ZNF462: variants seen among roughly 807,000 people sequenced by gnomAD.
ZNF462 encodes zinc finger PBX1-interacting protein.
ZNF462 carries 10 observed loss-of-function variants against 201.9 expected under a neutral mutation model. The observed-to-expected ratio is 0.05, with a 90% CI of 0.03 to 0.08. The LOEUF is 0.08. ZNF462 is among the 10% of genes least tolerant of loss of function. The probability of loss-of-function intolerance (pLI) is 1.00; values close to 1 mark genes in which losing one functional copy is unlikely to be tolerated. For missense variants in ZNF462, 2,523 were observed against 3,168.3 expected (o/e 0.80, Z 4.89); for synonymous variants, 1,227 against 1,193.3 (o/e 1.03, Z -0.58).
intron 1 of ZNF462, among the ~76,000 whole-genome samples, chr9:106,864,385 G>A (rs1212786495): frequency 1.3e-5 from 2 of 152,000 alleles, no homozygotes; most frequent in Non-Finnish European, 2.9e-5. Flanking sequence ...GCCTGGGGGG[G>A]CGTCTCACTC....
Position 106,905,197 on chromosome 9 carries a change from C to A in ZNF462, c.-30-18157C>A, listed in dbSNP as rs1432989468. Among the ~76,000 whole-genome samples, 1 of 152,164 alleles carries A rather than the reference C, an allele frequency of 6.6e-6. No individual in the cohort carries two copies. The highest frequency in any genetic ancestry group is 1.5e-5 in the Non-Finnish European group (1 of 68,042). ...AACTTCAGTGATTGTTATCTCTCTT[C>A]TGGGTCTAGCTACCCAGCGAGTCCA... On this transcript the variant is annotated intron_variant, in intron 1 of 12. Transcript: ENST00000277225. This position sits in a 1 kb window ranked among gnomAD's most constrained non-coding sequence, Gnocchi z 5.9.
chr9:106,974,053 T>C lies in ZNF462; in HGVS notation c.6696-84T>C, dbSNP rs1826803914. 5 of 1,568,408 alleles carry C rather than the reference T, an allele frequency of 3.2e-6. No homozygotes were observed. The highest frequency in any genetic ancestry group is 4.4e-6 in the Non-Finnish European group (5 of 1,146,794). ...AGCAGGAGAGCCGCACTTGGACATA[T>C]ATAACGGGTTTGCCAGCAGGAAATG... On this transcript the variant is annotated intron_variant, in intron 8 of 12. Coordinates refer to ENST00000277225, the MANE Select transcript of ZNF462 (RefSeq NM_021224.6). This position sits in a 1 kb window ranked among gnomAD's most constrained non-coding sequence, Gnocchi z 4.0.
chr9:106,904,249 G>T (rs952176793), intron 1 of ZNF462, among the ~76,000 whole-genome samples: 8 of 152,254 alleles, frequency 5.3e-5, no homozygotes, highest in Admixed American at 5.2e-4. Context: ...GGAGAGTGAA[G>T]ATAGGTCCCC....
rs1466605323 is a variant in ZNF462 at position 107,003,424 on chromosome 9, G to A, written c.7187G>A (p.Arg2396Lys). 9 of 1,613,346 alleles carry A rather than the reference G, an allele frequency of 5.6e-6. No individual in the cohort carries two copies. The highest frequency in any genetic ancestry group is 1.7e-5 in the Admixed American group (1 of 59,932). ...EEEMNSKAED[R>K]ELMRFSDHGA... Reference sequence around the variant, plus strand: ...GAAATGAACAGCAAGGCTGAAGACAGAGGTTAGTCTCATCCTGCCCTCCCA... The same window carrying A: ...GAAATGAACAGCAAGGCTGAAGACAAAGGTTAGTCTCATCCTGCCCTCCCA... Residue 2396 changes from arginine (R) to lysine (K), a missense_variant and splice_region_variant, in exon 11 of 13, where the codon AGA becomes AAA. Physicochemically the swap from Arg to Lys is conservative, Grantham distance 26 (BLOSUM62 2). Around this residue, in one of 15 missense-constraint regions of ZNF462, gnomAD observed 228 missense variants for 361.2 expected, o/e 0.63. Coordinates refer to ENST00000277225, the MANE Select transcript of ZNF462 (RefSeq NM_021224.6). The surrounding 1 kb of genome is among the most constrained non-coding windows in gnomAD (Gnocchi z 4.4).
In ZNF462 at chr9:106,927,463, A is replaced by T. The variant is rs1441293217; in HGVS notation, c.3551A>T (p.Asp1184Val). Residue 1184 changes from aspartate (D) to valine (V), a missense_variant, in exon 3 of 13, where the codon GAT (aspartate) becomes GTT (valine). By Grantham distance (152) the Asp-to-Val change is radical. This residue lies in a region of ZNF462 where 222 missense variants were observed against 271.6 expected (regional missense o/e 0.82). Coordinates refer to ENST00000277225, the MANE Select transcript of ZNF462 (RefSeq NM_021224.6). ...QQLNRSSSER[D>V]GPPVENEMFF... Reference sequence around the variant, plus strand: ...CTGAACCGAAGCAGCTCTGAGAGAGATGGCCCTCCTGTGGAGAATGAGATG... The same window carrying T: ...CTGAACCGAAGCAGCTCTGAGAGAGTTGGCCCTCCTGTGGAGAATGAGATG... 6.2e-7 allele frequency: 1 copy of T among 1,613,522 alleles called. No individual in the cohort carries two copies. The highest frequency in any genetic ancestry group is 8.5e-7 in the Non-Finnish European group (1 of 1,179,900).
At chr9:106,995,911 A>C (rs532390982) in intron 10 of ZNF462, among the ~76,000 whole-genome samples, 111 of 152,258 alleles carry the variant, frequency 7.3e-4, no homozygotes, top group Middle Eastern at 3.4e-3. Context: ...GGTGTGCTGC[A>C]CCCATTAACT....
Position 106,890,122 on chromosome 9 carries a change from A to G in ZNF462, c.-31+26767A>G, listed in dbSNP as rs929801723. ...CACAGGATTCTTAGACTAGGCATAC[A>G]TCATTGTATATATTCTGCCTAAAAG... On this transcript the variant is annotated intron_variant, in intron 1 of 12. Coordinates refer to ENST00000277225, the MANE Select transcript of ZNF462 (RefSeq NM_021224.6). This position sits in a 1 kb window ranked among gnomAD's most constrained non-coding sequence, Gnocchi z 4.2. 3.3e-5 allele frequency among the ~76,000 whole-genome samples: 5 copies of G among 152,358 alleles called. No individual in the cohort carries two copies. Among genetic ancestry groups the G allele is most frequent in the Middle Eastern group, 3.4e-3 (1 of 294 alleles).
At chr9:106,996,282 G>A (rs1266982996) in intron 10 of ZNF462, among the ~76,000 whole-genome samples, 4 of 152,152 alleles carry the variant, frequency 2.6e-5, no homozygotes, top group African/African-American at 7.2e-5. Context: ...ACATACGTGT[G>A]CATGTGTCTT....
In ZNF462 at chr9:106,872,693, G is replaced by C. The variant is rs1365854936; in HGVS notation, c.-31+9338G>C. Among the ~76,000 whole-genome samples the C allele has an allele frequency of 6.6e-6, 1 of 152,110 alleles. No individual in the cohort carries two copies. The highest frequency in any genetic ancestry group is 1.5e-5 in the Non-Finnish European group (1 of 68,020). ...AAAGACCATTTTAATTTAAATATCG[G>C]AGTTCAGTTGCAAGAACTTCCCCCC... On this transcript the variant is annotated intron_variant, in intron 1 of 12. Coordinates refer to ENST00000277225, the MANE Select transcript of ZNF462 (RefSeq NM_021224.6). This position sits in a 1 kb window ranked among gnomAD's most constrained non-coding sequence, Gnocchi z 4.5.
chr9:106,963,418 G>A lies in ZNF462; in HGVS notation c.6428-8587G>A, dbSNP rs1290893841. On this transcript the variant is annotated intron_variant, in intron 7 of 12. Transcript: ENST00000277225. This position sits in a 1 kb window ranked among gnomAD's most constrained non-coding sequence, Gnocchi z 4.7. ...AACATTTTCTTAAGTACCTTTCCAG[G>A]CACTTCTAAGCAATTGAGATACATC... 1.3e-5 allele frequency among the ~76,000 whole-genome samples: 2 copies of A among 151,918 alleles called. No homozygotes were observed. Among genetic ancestry groups the A allele is most frequent in the African/African-American group, 2.4e-5 (1 of 41,386 alleles).
At chr9:106,860,680 A>G (rs1383922685), upstream of ZNF462, among the ~76,000 whole-genome samples, 1 of 152,214 alleles carries the variant, frequency 6.6e-6, no homozygotes, top group Non-Finnish European at 1.5e-5. The surrounding 1 kb of genome is among the most constrained non-coding windows in gnomAD (Gnocchi z 7.1). Flanking sequence ...CTTTTTATTA[A>G]AGACAAAGAG....
At chr9:106,912,812 T>C (rs540387636) in intron 1 of ZNF462, among the ~76,000 whole-genome samples, 1 of 152,308 alleles carries the variant, frequency 6.6e-6, no homozygotes, top group African/African-American at 2.4e-5. Flanking sequence ...TCTCTTTGAC[T>C]TAAGGAAGGC....
At chr9:106,947,061 G>A (rs1831141343) in intron 7 of ZNF462, among the ~76,000 whole-genome samples, 1 of 152,194 alleles carries the variant, frequency 6.6e-6, no homozygotes, top group South Asian at 2.1e-4. Flanking sequence ...AAAGTGACAT[G>A]AGGGGCAAGT....
At chr9:106,869,306 G>A (rs1284713039) in intron 1 of ZNF462, among the ~76,000 whole-genome samples, 1 of 152,132 alleles carries the variant, frequency 6.6e-6, no homozygotes, top group Non-Finnish European at 1.5e-5. Context: ...GTATCTTCTT[G>A]GAGCCCAACT....
At position 107,009,768 on chromosome 9, in the gene ZNF462, CTG is replaced by C; in HGVS notation, c.7313+104_7313+105del. 6.6e-7 allele frequency: 1 copy of C among 1,518,094 alleles called. No homozygotes were observed. 94.0% of individuals were successfully genotyped at this position (1,518,094 alleles called of 1,614,324 possible). A position where few individuals can be genotyped will look rare whatever the true frequency, so the allele number is the denominator to read the frequency against. On this transcript the variant is annotated intron_variant, in intron 12 of 12. Coordinates refer to ENST00000277225, the MANE Select transcript of ZNF462 (RefSeq NM_021224.6). This position sits in a 1 kb window ranked among gnomAD's most constrained non-coding sequence, Gnocchi z 6.1. ...TTCCCCTGACAGTATGTACACCCCTCTGTGTCACATTTCTGGGCCGTGGGAGG... is the reference window on the plus strand; with the variant it reads ...TTCCCCTGACAGTATGTACACCCCTCTGTCACATTTCTGGGCCGTGGGAGG...
chr9:107,009,600 A>C lies in ZNF462; in HGVS notation c.7245A>C (p.Pro2415=). Residue 2415 remains proline, a synonymous_variant, in exon 12 of 13, where the codon CCA becomes CCC. Transcript: ENST00000277225. The surrounding 1 kb of genome is among the most constrained non-coding windows in gnomAD (Gnocchi z 6.1). ...CTCTTAACACTGAGAAGCGTTTTCC[A>C]TGTGAATTTTGTGGACGGGCGTTTT... ...GAALNTEKRF[P]CEFCGRAFSQ... is the part of the protein sequence containing the mutation. 1 of 1,613,698 alleles carries C rather than the reference A, an allele frequency of 6.2e-7. No homozygotes were observed. The highest frequency in any genetic ancestry group is 8.5e-7 in the Non-Finnish European group (1 of 1,179,812).
At position 106,864,095 on chromosome 9, in the gene ZNF462, T is replaced by C. The variant is rs867293440; in HGVS notation, c.-31+740T>C. Among the ~76,000 whole-genome samples the C allele has an allele frequency of 5.7e-3, 651 of 113,576 alleles. 6 individuals carry two copies. The highest frequency in any genetic ancestry group is 0.021 in the African/African-American group (599 of 28,462). 74.5% of individuals were successfully genotyped at this position (113,576 alleles called of 152,430 possible). A position where few individuals can be genotyped will look rare whatever the true frequency, so the allele number is the denominator to read the frequency against. On this transcript the variant is annotated intron_variant, in intron 1 of 12. Coordinates refer to ENST00000277225, the MANE Select transcript of ZNF462 (RefSeq NM_021224.6). ...CTCTCTCTCTCTCTCTCTCTCTCTC[T>C]CTCTCTCTCTCTCTCCCTCTCCCCG...
Position 106,970,576 on chromosome 9 carries a change from C to T in ZNF462, c.6428-1429C>T, listed in dbSNP as rs1826550176. ...AGGAGGAGGCTTGTACAGTTTCTATCCCCTTTCCCCCCTGCTTTTTGAAAG... is the reference window on the plus strand; with the variant it reads ...AGGAGGAGGCTTGTACAGTTTCTATTCCCTTTCCCCCCTGCTTTTTGAAAG... On this transcript the variant is annotated intron_variant, in intron 7 of 12. Transcript: ENST00000277225. The surrounding 1 kb of genome is among the most constrained non-coding windows in gnomAD (Gnocchi z 4.2). Among the ~76,000 whole-genome samples, 1 of 152,114 alleles carries T rather than the reference C, an allele frequency of 6.6e-6. No individual in the cohort carries two copies. The highest frequency in any genetic ancestry group is 1.5e-5 in the Non-Finnish European group (1 of 68,018).
chr9:106,960,766 T>C (rs1469589170), intron 7 of ZNF462, among the ~76,000 whole-genome samples: 3 of 152,110 alleles, frequency 2.0e-5, no homozygotes, highest in Non-Finnish European at 4.4e-5. Context: ...TATCATTTAA[T>C]GAAGAAGGAA....
Sources: allele counts gnomAD v4.1 joint callset (sites outside exome capture counted in the v4.1 genomes callset), GRCh38; gene constraint gnomAD v4.1.1; regional missense constraint gnomAD v4.1.1; non-coding constraint Gnocchi (gnomAD v3.1); transcripts MANE v1.5; gene names NCBI Gene and HGNC (gene_info 2026-07-23, HGNC 2026-07-21).